The following RIMS1 variants were observed in gnomAD, a reference collection of about 807,000 sequenced individuals.
RIMS1 encodes regulating synaptic membrane exocytosis protein 1.
RIMS1 carries 83 observed loss-of-function variants against 214.1 expected under a neutral mutation model. The observed-to-expected ratio is 0.39, with a 90% CI of 0.32 to 0.47. RIMS1 has a LOEUF of 0.47. Among genes scored for constraint, RIMS1 ranks in the 20% least tolerant of loss-of-function variants. The pLI is 0.99. For synonymous variants in RIMS1, 793 were observed against 786.8 expected (o/e 1.01, Z -0.13); for missense variants, 2,050 against 2,161.8 (o/e 0.95, Z 1.03).
chr6:71,952,244 A>G (rs1789839272), intron 1 of RIMS1, among the ~76,000 whole-genome samples: 1 of 152,178 alleles, frequency 6.6e-6, no homozygotes, highest in African/African-American at 2.4e-5. Context: ...AAAATTCTCT[A>G]GTAACTCTGT....
chr6:72,386,359 G>A (rs920992764), intron 29 of RIMS1, among the ~76,000 whole-genome samples: 4 of 152,188 alleles, frequency 2.6e-5, no homozygotes, highest in Non-Finnish European at 4.4e-5. Context: ...ACCGTCATCT[G>A]GACTGCCAGC....
At chr6:72,125,144 T>A (rs1203746820) in intron 4 of RIMS1, among the ~76,000 whole-genome samples, 1 of 152,216 alleles carries the variant, frequency 6.6e-6, no homozygotes, top group Non-Finnish European at 1.5e-5. Flanking sequence ...TTGATGATGG[T>A]GACATATAGA....
chr6:72,004,332 A>G (rs568996361), intron 2 of RIMS1, among the ~76,000 whole-genome samples: 4 of 152,142 alleles, frequency 2.6e-5, no homozygotes, highest in Admixed American at 6.5e-5. Context: ...ATAAACATAT[A>G]TGTGCATGTG....
intron 1 of RIMS1, among the ~76,000 whole-genome samples, chr6:71,948,036 AAATG>A (rs1446794535): frequency 6.6e-6 from 1 of 152,166 alleles, no homozygotes; most frequent in African/African-American, 2.4e-5. Flanking sequence ...CAAGGTGGAT[AAATG>A]AATGTGTTCA....
At chr6:71,992,496 TTTCTTC>T (rs1281312042) in intron 2 of RIMS1, among the ~76,000 whole-genome samples, 1 of 149,898 alleles carries the variant, frequency 6.7e-6, no homozygotes, top group Non-Finnish European at 1.5e-5. Flanking sequence ...TTCCCTTCTT[TTTCTTC>T]TTCTCCTCCT....
intron 1 of RIMS1, among the ~76,000 whole-genome samples, chr6:71,951,909 A>G (rs943163536): frequency 4.6e-5 from 7 of 152,174 alleles, no homozygotes; most frequent in South Asian, 2.1e-4. Flanking sequence ...GCCTTTCTTT[A>G]TAAGATAATA....
intron 16 of RIMS1, among the ~76,000 whole-genome samples, chr6:72,256,118 A>G (rs1440879377): frequency 6.6e-6 from 1 of 152,120 alleles, no homozygotes; most frequent in Admixed American, 6.6e-5. Context: ...TGTGAAGAAA[A>G]TCAAATTTTT....
chr6:72,295,029 A>G (rs1167082867), intron 26 of RIMS1, among the ~76,000 whole-genome samples: 3 of 151,806 alleles, frequency 2.0e-5, no homozygotes, highest in Non-Finnish European at 4.4e-5. Context: ...AGATAACTTA[A>G]TTGGTTGTAT....
At chr6:72,162,176 G>T (rs2045535809) in intron 4 of RIMS1, among the ~76,000 whole-genome samples, 2 of 139,980 alleles carry the variant, frequency 1.4e-5, no homozygotes, top group South Asian at 4.8e-4. Flanking sequence ...TTTGTTGGTG[G>T]AAAGTCTGTT....
intron 9 of RIMS1, among the ~76,000 whole-genome samples, chr6:72,241,662 T>C (rs1427302560): frequency 6.6e-6 from 1 of 152,210 alleles, no homozygotes; most frequent in African/African-American, 2.4e-5. Flanking sequence ...ATAGTACATA[T>C]GTGTTTTGAA....
chr6:72,294,533 C>T (rs1383230157), intron 26 of RIMS1, among the ~76,000 whole-genome samples: 1 of 151,660 alleles, frequency 6.6e-6, no homozygotes, highest in African/African-American at 2.4e-5. Context: ...TACTGATACA[C>T]CTTCTTGAGG....
chr6:72,139,929 GA>G (rs1322738973), intron 4 of RIMS1, among the ~76,000 whole-genome samples: 1 of 152,094 alleles, frequency 6.6e-6, no homozygotes, highest in Non-Finnish European at 1.5e-5. Context: ...TAAGAGGCTT[GA>G]AGATTGATTT....
chr6:72,012,579 C>T (rs570174023), intron 2 of RIMS1, among the ~76,000 whole-genome samples: 2 of 151,976 alleles, frequency 1.3e-5, no homozygotes, highest in African/African-American at 4.8e-5. Context: ...AAAAAAGCAA[C>T]CTGGGTATAT....
At chr6:72,274,763 G>A (rs1273991040) in intron 23 of RIMS1, among the ~76,000 whole-genome samples, 1 of 152,076 alleles carries the variant, frequency 6.6e-6, no homozygotes, top group Non-Finnish European at 1.5e-5. Flanking sequence ...AGGTGCTTTA[G>A]AGTATATTAA....
intron 2 of RIMS1, among the ~76,000 whole-genome samples, chr6:72,078,630 AT>A (rs1402540795): frequency 6.6e-6 from 1 of 152,104 alleles, no homozygotes; most frequent in African/African-American, 2.4e-5. Flanking sequence ...TGTTTGCTTC[AT>A]TAGGTAGAAG....
chr6:71,893,298 A>G (rs1770542636), intron 1 of RIMS1, among the ~76,000 whole-genome samples: 1 of 151,682 alleles, frequency 6.6e-6, no homozygotes, highest in African/African-American at 2.4e-5. Flanking sequence ...CTGAGACTAT[A>G]TTTACCTTCT....
chr6:72,104,915 A>G (rs937953590), intron 4 of RIMS1, among the ~76,000 whole-genome samples: 2 of 152,002 alleles, frequency 1.3e-5, no homozygotes, highest in Non-Finnish European at 2.9e-5. Context: ...GTGTTAATTC[A>G]TCCATTCACT....
intron 1 of RIMS1, among the ~76,000 whole-genome samples, chr6:71,946,721 G>C (rs1040308265): frequency 2.0e-4 from 31 of 151,992 alleles, no homozygotes; most frequent in African/African-American, 7.0e-4. Context: ...ACATTGGCCT[G>C]GGAAAATAAT....
chr6:71,895,685 A>AC (rs1361320590), intron 1 of RIMS1, among the ~76,000 whole-genome samples: 1 of 147,796 alleles, frequency 6.8e-6, no homozygotes, highest in East Asian at 2.0e-4. Flanking sequence ...AAAAAAAAAA[A>AC]AAAAAAAAAA....
Sources: allele counts gnomAD v4.1 joint callset (sites outside exome capture counted in the v4.1 genomes callset), GRCh38; gene constraint gnomAD v4.1.1; transcripts MANE v1.5; gene names NCBI Gene and HGNC (gene_info 2026-07-23, HGNC 2026-07-21).